The following PACRGL variants were observed in gnomAD, a reference collection of about 807,000 sequenced individuals.
The protein encoded by PACRGL is parkin coregulated like.
A neutral mutation model predicts 34.5 loss-of-function variants in PACRGL; 38 were observed. The observed-to-expected ratio is 1.10, with a 90% CI of 0.85 to 1.44. The LOEUF is 1.44. Ranked by LOEUF, PACRGL falls within the 40% of genes most tolerant of loss-of-function variation. The probability of loss-of-function intolerance (pLI) is 0.00; values close to 1 mark genes in which losing one functional copy is unlikely to be tolerated. For missense variants in PACRGL, 305 were observed against 281.4 expected, an observed-to-expected ratio of 1.08 and a Z score of -0.60; for synonymous variants, 128 against 100.1, an observed-to-expected ratio of 1.28 and a Z score of -1.66.
chr4:20,709,625 C>T (rs1736163711), intron 4 of PACRGL, 58 bp from the exon 5 acceptor site: 3 of 1,108,342 alleles, frequency 2.7e-6, no homozygotes, highest in Middle Eastern at 2.6e-4. Flanking sequence ...GTTAGATTAT[C>T]CCTGCTTAAT....
the PACRGL span, chr4:20,758,747 G>T: frequency 1.8e-6 from 2 of 1,121,962 alleles, no homozygotes; most frequent in South Asian, 1.3e-5. Context: ...ATCATGCTAT[G>T]AAAAATTAAA....
At chr4:20,724,465 T>C (rs1451429946) in intron 7 of PACRGL, among the ~76,000 whole-genome samples, 1 of 152,148 alleles carries the variant, frequency 6.6e-6, no homozygotes, top group African/African-American at 2.4e-5. Context: ...CTCTTCCCTT[T>C]TTATTGCAGG....
chr4:20,735,518 GTTTTTTTTTTTGTT>G (rs1749380816), downstream of PACRGL, among the ~76,000 whole-genome samples: 1 of 130,812 alleles, frequency 7.6e-6, no homozygotes, highest in Admixed American at 8.1e-5. Context: ...TTCATTTAGT[GTTTTTTTTTTTGTT>G]TTTTTTTTTT....
chr4:20,720,950 T>C (rs1304743752), intron 7 of PACRGL, among the ~76,000 whole-genome samples: 2 of 152,200 alleles, frequency 1.3e-5, no homozygotes, highest in Non-Finnish European at 1.5e-5. Context: ...TCCCTGTCAC[T>C]TTCAGGTACA....
chr4:20,717,702 T>A (rs1740810579), intron 7 of PACRGL, among the ~76,000 whole-genome samples: 1 of 152,240 alleles, frequency 6.6e-6, no homozygotes, highest in Non-Finnish European at 1.5e-5. Flanking sequence ...TATCTCTGTT[T>A]AGGTACCAGT....
chr4:20,731,563 A>AAAAC lies in PACRGL; in HGVS notation c.*4225_*4228dup. ...GAGCCATTTCTTGTCCACATACACT[A>AAAAC]AAACAATGACTTTTCTCTTAGAAAT... is the stretch of plus-strand genomic sequence containing the variant. On this transcript the variant is annotated 3_prime_UTR_variant, in exon 9 of 9. Transcript: ENST00000503585. The AAAAC allele has an allele frequency of 1.0e-6, 1 of 985,374 alleles. No homozygotes were observed. The highest frequency in any genetic ancestry group is 4.7e-5 in the South Asian group (1 of 21,282). 61.0% of individuals were successfully genotyped at this position (985,374 alleles called of 1,614,324 possible).
At chr4:20,726,486 C>G (rs1274079293) in intron 8 of PACRGL, among the ~76,000 whole-genome samples, 1 of 152,134 alleles carries the variant, frequency 6.6e-6, no homozygotes, top group African/African-American at 2.4e-5. Flanking sequence ...ATACCAAAGA[C>G]TTTCTCTTGG....
At chr4:20,717,866 G>A (rs1740916071) in intron 7 of PACRGL, among the ~76,000 whole-genome samples, 1 of 152,062 alleles carries the variant, frequency 6.6e-6, no homozygotes, top group Non-Finnish European at 1.5e-5. Flanking sequence ...TTCCAATTCT[G>A]TGAAGAAAGT....
intron 7 of PACRGL, among the ~76,000 whole-genome samples, chr4:20,717,321 GA>G (rs1216667383): frequency 6.6e-6 from 1 of 152,134 alleles, no homozygotes; most frequent in Non-Finnish European, 1.5e-5. Flanking sequence ...TTGCTGTGCA[GA>G]AGCTCTTTAG....
Position 20,709,753 on chromosome 4 carries a change from C to G in PACRGL, c.346C>G (p.Leu116Val). The G allele has an allele frequency of 1.2e-6, 2 of 1,602,482 alleles. No homozygotes were observed. The highest frequency in any genetic ancestry group is 1.7e-6 in the Non-Finnish European group (2 of 1,170,220). ...CPPESLSFDPLLITLAEGLRE... is the reference protein window; with the variant it reads ...CPPESLSFDPVLITLAEGLRE... ...TCCTGAAAGTCTTTCATTTGATCCA[C>G]TTCTTATTACTTTAGCTGAGGTAAA... The change falls in exon 5 of 9, where the codon CTT (leucine) becomes GTT (valine). Residue 116 changes from leucine to valine, a missense_variant. Coordinates refer to ENST00000503585, the MANE Select transcript of PACRGL (RefSeq NM_001258345.3).
the PACRGL span, among the ~76,000 whole-genome samples, chr4:20,761,379 A>C: frequency 6.6e-6 from 1 of 152,206 alleles, no homozygotes; most frequent in Non-Finnish European, 1.5e-5. Flanking sequence ...ACAACTCCAA[A>C]GGTGGTATGT....
intron 8 of PACRGL, among the ~76,000 whole-genome samples, chr4:20,744,375 A>G (rs1471434401): frequency 2.0e-5 from 3 of 152,146 alleles, no homozygotes; most frequent in Non-Finnish European, 4.4e-5. Flanking sequence ...TCCATCAATG[A>G]TAGACTGGAT....
chr4:20,754,469 G>T (rs1414290888), downstream of PACRGL, among the ~76,000 whole-genome samples: 1 of 152,164 alleles, frequency 6.6e-6, no homozygotes, highest in African/African-American at 2.4e-5. Context: ...GCCATCACAT[G>T]AATTCGCCTG....
downstream of PACRGL, among the ~76,000 whole-genome samples, chr4:20,736,861 A>C (rs1263931637): frequency 1.3e-5 from 2 of 152,224 alleles, no homozygotes; most frequent in Admixed American, 1.3e-4. Context: ...AATTTTAAGA[A>C]AGAAAAACAA....
intron 8 of PACRGL, among the ~76,000 whole-genome samples, chr4:20,748,139 G>A (rs999481923): frequency 6.6e-6 from 1 of 151,956 alleles, no homozygotes; most frequent in Non-Finnish European, 1.5e-5. Context: ...TTCTACAAAG[G>A]CTCCTCATCT....
chr4:20,749,155 C>CAA (rs1553888859), intron 8 of PACRGL, among the ~76,000 whole-genome samples: 3 of 128,998 alleles, frequency 2.3e-5, no homozygotes, highest in Admixed American at 1.6e-4. Context: ...GAGACTCTTT[C>CAA]AAAAAAAAAA....
downstream of PACRGL, among the ~76,000 whole-genome samples, chr4:20,754,535 G>A (rs1330852621): frequency 6.6e-6 from 1 of 152,144 alleles, no homozygotes; most frequent in Non-Finnish European, 1.5e-5. Flanking sequence ...CCTTATGTAA[G>A]AAACAATTTG....
At chr4:20,719,018 G>A (rs1186046290) in intron 7 of PACRGL, 3 of 152,126 alleles carry the variant, frequency 2.0e-5, no homozygotes, top group Admixed American at 1.3e-4. Context: ...GCCTGTTATT[G>A]GTCTATTCAG....
chr4:20,717,901 A>T (rs1402214269), intron 7 of PACRGL, among the ~76,000 whole-genome samples: 1 of 152,164 alleles, frequency 6.6e-6, no homozygotes, highest in Admixed American at 6.5e-5. Context: ...TGGGGATGGC[A>T]TTGATTCTGT....
Sources: gnomAD v4.1 joint callset for allele counts (sites outside exome capture counted in the v4.1 genomes callset) on GRCh38, gnomAD v4.1.1 for gene constraint, MANE v1.5 for transcripts, NCBI Gene and HGNC (gene_info 2026-07-23, HGNC 2026-07-21) for gene names.